The following MUC4 variants were observed in gnomAD, a reference collection of about 807,000 sequenced individuals.
MUC4 encodes the protein mucin-4.
MUC4 carries 202 observed loss-of-function variants against 257.9 expected under a neutral mutation model. That is an observed-to-expected ratio of 0.78 (90% confidence interval 0.70 to 0.88). MUC4 has a LOEUF of 0.88. Ranked by LOEUF, MUC4 falls within the 40% of genes least tolerant of loss-of-function variation. The probability of loss-of-function intolerance (pLI) is 0.00; values close to 1 mark genes in which losing one functional copy is unlikely to be tolerated. For missense variants in MUC4, 5,976 were observed against 6,513.7 expected (o/e 0.92, Z 2.84); for synonymous variants, 2,351 against 2,757.1 (o/e 0.85, Z 4.62).
chr3:195,804,657 C>G (rs917269267), intron 1 of MUC4, among the ~76,000 whole-genome samples: 3 of 152,258 alleles, frequency 2.0e-5, no homozygotes, highest in South Asian at 4.1e-4. Flanking sequence ...CAGGCTGCCT[C>G]GGGCAGGGCA....
At chr3:195,795,596 G>A (rs557262877) in intron 1 of MUC4, among the ~76,000 whole-genome samples, 2 of 152,172 alleles carry the variant, frequency 1.3e-5, no homozygotes, top group Admixed American at 6.5e-5. Flanking sequence ...CTGACTGAAA[G>A]GCTGAAAAAG....
intron 1 of MUC4, among the ~76,000 whole-genome samples, chr3:195,802,955 C>T (rs73891117): frequency 0.011 from 1,643 of 152,178 alleles, 40 homozygotes; most frequent in African/African-American, 0.038. Flanking sequence ...CCTTTTCTCA[C>T]GATCTGTACA....
intron 1 of MUC4, among the ~76,000 whole-genome samples, chr3:195,795,873 GACAGAAAAGAC>G (rs1419193601): frequency 2.7e-5 from 4 of 146,426 alleles, no homozygotes; most frequent in Non-Finnish European, 4.5e-5. Flanking sequence ...GAGAGAGAGA[GACAGAAAAGAC>G]ACAGATATCA....
chr3:195,748,865 G>T lies in MUC4; in HGVS notation c.16034+37C>A, dbSNP rs375836030. ...TGTCTTGCCCAGCTTGGGTTCCCCA[G>T]CACTGTCCTCCACCTCCTGGCCACA... On this transcript the variant is annotated intron_variant, in intron 24 of 24. Coordinates refer to ENST00000463781, the MANE Select transcript of MUC4 (RefSeq NM_018406.7). The T allele has an allele frequency of 2.3e-5, 35 of 1,522,252 alleles. No individual in the cohort carries two copies. In the African/African-American group the frequency reaches 3.5e-4, roughly 15 times the overall value. The allele number at this position is 1,522,252 out of a possible 1,614,324, so 94.3% of individuals were successfully genotyped here. A position where few individuals can be genotyped will look rare whatever the true frequency, so the allele number is the denominator to read the frequency against.
At chr3:195,792,962 A>G (rs1480803534) in intron 1 of MUC4, among the ~76,000 whole-genome samples, 2 of 152,130 alleles carry the variant, frequency 1.3e-5, no homozygotes, top group African/African-American at 2.4e-5. Flanking sequence ...GAGGGGAACA[A>G]CACACACTGG....
At chr3:195,752,596 C>T in intron 20 of MUC4, 150 bp from the exon 21 acceptor site, 1 of 617,448 alleles carries the variant, frequency 1.6e-6, no homozygotes, top group Non-Finnish European at 3.0e-6. Context: ...CCCTACATTC[C>T]ACAGTGACAG....
rs1728343953 is a variant in MUC4 at position 195,781,963 on chromosome 3, G to A, written c.9617C>T (p.Ala3206Val). The change falls in exon 2 of 25, where the codon GCT (alanine) becomes GTT (valine). Residue 3206 changes from alanine to valine, a missense_variant. Physicochemically the swap from Ala to Val is moderately conservative, Grantham distance 64. Coordinates refer to ENST00000463781, the MANE Select transcript of MUC4 (RefSeq NM_018406.7). ...GHATPLLVTD[A>V]SSASTGQATP... ...GGCCTGACCTGTGGATGCTGAGGAA[G>A]CGTCGGTGACAAGAAGAGGAGTGGC... is the stretch of plus-strand genomic sequence containing the variant. The A allele has an allele frequency of 6.8e-7, 1 of 1,472,586 alleles. No individual in the cohort carries two copies. The highest frequency in any genetic ancestry group is 2.5e-5 in the East Asian group (1 of 39,684). The allele number at this position is 1,472,586 out of a possible 1,614,324, so 91.2% of individuals were successfully genotyped here. A position where few individuals can be genotyped will look rare whatever the true frequency, so the allele number is the denominator to read the frequency against.
chr3:195,747,018 G>A lies in MUC4; in HGVS notation c.*158C>T, dbSNP rs779286090. ...CCTGTGCACCTGCGCCTATGGATAA[G>A]GTATAGTCTTGTCTTGATTCCCAGT... On this transcript the variant is annotated 3_prime_UTR_variant, in exon 25 of 25. Transcript: ENST00000463781. The A allele has an allele frequency of 9.4e-7, 1 of 1,068,790 alleles. No individual in the cohort carries two copies. The highest frequency in any genetic ancestry group is 1.4e-6 in the Non-Finnish European group (1 of 734,528). The allele number at this position is 1,068,790 out of a possible 1,614,324, so 66.2% of individuals were successfully genotyped here.
At chr3:195,778,644 C>G (rs1257759382) in intron 2 of MUC4, 146 bp downstream of exon 2, 1 of 1,246,252 alleles carries the variant, frequency 8.0e-7, no homozygotes, top group Non-Finnish European at 1.1e-6. Context: ...GCCTGTCACC[C>G]ACCACACCCA....
chr3:195,778,254 C>G, intron 3 of MUC4, 49 bp downstream of exon 3: 1 of 1,535,162 alleles, frequency 6.5e-7, no homozygotes, highest in Admixed American at 2.1e-5. Context: ...AGGGAGCCTT[C>G]AGTTACATCA....
Position 195,757,001 on chromosome 3 carries a change from A to G in MUC4, c.15168+146T>C. 1 of 793,112 alleles carries G rather than the reference A, an allele frequency of 1.3e-6. No individual in the cohort carries two copies. Among genetic ancestry groups the G allele is most frequent in the East Asian group, 2.7e-5 (1 of 37,314 alleles). 49.1% of individuals were successfully genotyped at this position (793,112 alleles called of 1,614,324 possible). A position where few individuals can be genotyped will look rare whatever the true frequency, so the allele number is the denominator to read the frequency against. On this transcript the variant is annotated intron_variant, in intron 18 of 24. Coordinates refer to ENST00000463781, the MANE Select transcript of MUC4 (RefSeq NM_018406.7). This position sits in a 1 kb window ranked among gnomAD's most constrained non-coding sequence, Gnocchi z 4.8. ...TTCCCATGTGAGTTTGTGGCCTGAG[A>G]CTGGAATCTGCTCTACTCACCTACC...
intron 7 of MUC4, among the ~76,000 whole-genome samples, chr3:195,767,570 C>CCAT (rs1560261838): frequency 2.1e-5 from 2 of 94,258 alleles, no homozygotes; most frequent in East Asian, 3.0e-4. Flanking sequence ...ATTGCCACCA[C>CCAT]CATCACCACC....
At position 195,787,970 on chromosome 3, in the gene MUC4, T is replaced by G. The variant is rs1732951214; in HGVS notation, c.3610A>C (p.Thr1204Pro). The G allele has an allele frequency of 2.4e-6, 3 of 1,250,970 alleles. No individual in the cohort carries two copies. 77.5% of individuals were successfully genotyped at this position (1,250,970 alleles called of 1,614,324 possible). The change falls in exon 2 of 25, where the codon ACC becomes CCC. Residue 1204 changes from threonine (T) to proline (P), a missense_variant. This residue lies in a region of MUC4 where 90 missense variants were observed against 106.2 expected (regional missense o/e 0.85). Transcript: ENST00000463781. ...STGHATPLLV[T>P]DTSSASTGHA... ...CCTGTGGATGCTGAGGAAGTGTCGGTGACAAGAAGAGGGGTGGCGTGACCT... is the reference window on the plus strand; with the variant it reads ...CCTGTGGATGCTGAGGAAGTGTCGGGGACAAGAAGAGGGGTGGCGTGACCT...
chr3:195,802,624 T>A (rs1735491692), intron 1 of MUC4, among the ~76,000 whole-genome samples: 1 of 152,220 alleles, frequency 6.6e-6, no homozygotes, highest in African/African-American at 2.4e-5. Flanking sequence ...GTGACTGGCA[T>A]TGCCATTGTG....
In MUC4 at chr3:195,769,155, G is replaced by A; in HGVS notation, c.13399-3C>T. 1 of 1,613,904 alleles carries A rather than the reference G, an allele frequency of 6.2e-7. No individual in the cohort carries two copies. Among genetic ancestry groups the A allele is most frequent in the African/African-American group, 1.3e-5 (1 of 75,040 alleles). On this transcript the variant is annotated splice_polypyrimidine_tract_variant and splice_region_variant and intron_variant, in intron 6 of 24. Transcript: ENST00000463781. ...AGGATGGCTTGGTAGGTGTTGCTCT[G>A]GGGGTGGGTGGAAGAAAACACAGGG...
In MUC4 at chr3:195,789,381, G is replaced by A. The variant is rs1330195244; in HGVS notation, c.2199C>T (p.Ser733=). The A allele has an allele frequency of 6.2e-7, 1 of 1,613,938 alleles. No individual in the cohort carries two copies. The highest frequency in any genetic ancestry group is 1.3e-5 in the African/African-American group (1 of 75,018). Residue 733 remains serine (S), a synonymous_variant, in exon 2 of 25, where the codon TCC becomes TCT. Coordinates refer to ENST00000463781, the MANE Select transcript of MUC4 (RefSeq NM_018406.7). ...TLGPSGGTSL[S]KTGALTLANS... is the part of the protein sequence containing the mutation. The stretch of plus-strand genomic sequence containing the variant: ...TGGCCAGAGTAAGGGCACCTGTTTT[G>A]GAAAGTGACGTGCCTCCTGAGGGCC...
intron 18 of MUC4, 122 bp from the exon 19 acceptor site, chr3:195,754,494 CAGCACCTGCTG>C (rs1717117819): frequency 7.9e-7 from 1 of 1,269,610 alleles, no homozygotes; most frequent in Non-Finnish European, 1.1e-6. Context: ...TCAGCCCCAC[CAGCACCTGCTG>C]AGCACCTTCT....
chr3:195,789,975 C>T lies in MUC4; in HGVS notation c.1605G>A (p.Lys535=). 5 of 1,613,902 alleles carry T rather than the reference C, an allele frequency of 3.1e-6. No homozygotes were observed. The highest frequency in any genetic ancestry group is 4.2e-6 in the Non-Finnish European group (5 of 1,179,864). ...CTCCTGGTTCCCCTATTGCTGAGAC[C>T]TTAGAGGGGACCCTTGGAATAGTGC... ...TAGTIPRVPS[K]VSAIGEPGEP... is the part of the protein sequence containing the mutation. The change falls in exon 2 of 25, where the codon AAG becomes AAA. Residue 535 remains lysine, a synonymous_variant. Transcript: ENST00000463781.
intron 24 of MUC4, among the ~76,000 whole-genome samples, chr3:195,747,840 G>A (rs1715371621): frequency 6.6e-6 from 1 of 152,272 alleles, no homozygotes. Context: ...CAGCCTGGGG[G>A]ACAGAGCAAG....
Sources: gnomAD v4.1 joint callset for allele counts (sites outside exome capture counted in the v4.1 genomes callset) on GRCh38, gnomAD v4.1.1 for gene constraint, gnomAD v4.1.1 regional missense constraint, Gnocchi (gnomAD v3.1) non-coding constraint, MANE v1.5 for transcripts, NCBI Gene and HGNC (gene_info 2026-07-23, HGNC 2026-07-21) for gene names.